The following NCOR1 variants were observed in gnomAD, a reference collection of about 807,000 sequenced individuals.
NCOR1 encodes the protein protein phosphatase 1, regulatory subunit 109.
In NCOR1, 63 loss-of-function variants were observed where a neutral mutation model predicts 288.1. That is an observed-to-expected ratio of 0.22 (90% CI 0.18 to 0.27). NCOR1 has a LOEUF of 0.27. Ranked by LOEUF, NCOR1 falls within the 10% of genes least tolerant of loss-of-function variation. The probability of loss-of-function intolerance (pLI) is 1.00; values close to 1 mark genes in which losing one functional copy is unlikely to be tolerated. For missense variants in NCOR1, 2,397 were observed against 3,019.2 expected (o/e 0.79, Z 4.83); for synonymous variants, 1,007 against 1,065.9 (o/e 0.94, Z 1.08).
In NCOR1 at chr17:16,058,564, T is replaced by A; in HGVS notation, c.5917A>T (p.Ile1973Phe). The change falls in exon 38 of 46, where the codon ATT (isoleucine) becomes TTT (phenylalanine). Residue 1973 changes from isoleucine to phenylalanine, a missense_variant. Physicochemically the swap from Ile to Phe is conservative, Grantham distance 21. Transcript: ENST00000268712. The part of the protein sequence containing the change: ...SHRYETPSDA[I>F]EVISPASSPA... ...GAGCTGGCAGGACTTATCACCTCAATAGCATCGCTAGGTGTTTCATACCTG... is the reference window on the plus strand; with the variant it reads ...GAGCTGGCAGGACTTATCACCTCAAAAGCATCGCTAGGTGTTTCATACCTG... 6.2e-7 allele frequency: 1 copy of A among 1,613,238 alleles called. No homozygotes were observed. Among genetic ancestry groups the A allele is most frequent in the Non-Finnish European group, 8.5e-7 (1 of 1,179,426 alleles).
intron 4 of NCOR1, among the ~76,000 whole-genome samples, chr17:16,168,303 C>T (rs1345589476): frequency 2.0e-5 from 3 of 152,248 alleles, no homozygotes; most frequent in Middle Eastern, 3.4e-3. Context: ...CAGGTTCAAG[C>T]GATTCTCTTG....
In NCOR1 at chr17:16,098,639, T is replaced by G. The variant is rs1238026385; in HGVS notation, c.2691-143A>C. 3 of 630,974 alleles carry G rather than the reference T, an allele frequency of 4.8e-6. No individual in the cohort carries two copies. In the African/African-American group the frequency reaches 5.7e-5, roughly 12 times the overall value. 39.1% of individuals were successfully genotyped at this position (630,974 alleles called of 1,614,324 possible). ...CACACATATATTAACCCATATAAAA[T>G]ATTTGGACAGTTAAGGAAAAAGGAA... On this transcript the variant is annotated intron_variant, in intron 20 of 45. Transcript: ENST00000268712.
chr17:16,056,867 C>CAT (rs1008632230), intron 40 of NCOR1: 1 of 151,306 alleles, frequency 6.6e-6, no homozygotes, highest in East Asian at 1.9e-4. Context: ...TGTGTGTGTG[C>CAT]ATATATATAT....
chr17:16,104,176 T>G (rs1411839209), intron 19 of NCOR1, among the ~76,000 whole-genome samples: 1 of 152,264 alleles, frequency 6.6e-6, no homozygotes, highest in East Asian at 1.9e-4. Context: ...ATCATTTATT[T>G]TGATTATCAC....
intron 32 of NCOR1, among the ~76,000 whole-genome samples, chr17:16,067,368 C>T (rs3785628): frequency 0.6 from 90,603 of 152,102 alleles, 27,851 homozygotes; most frequent in African/African-American, 0.73. Context: ...GAATCAGGTG[C>T]GGACTAGACA....
intron 30 of NCOR1, among the ~76,000 whole-genome samples, chr17:16,070,984 G>A (rs563016989): frequency 5.3e-5 from 8 of 151,114 alleles, no homozygotes; most frequent in African/African-American, 1.5e-4. Context: ...AGCCAAGATC[G>A]TGCCATTACA....
intron 22 of NCOR1, among the ~76,000 whole-genome samples, chr17:16,090,014 A>C (rs1303028424): frequency 6.6e-6 from 1 of 152,126 alleles, no homozygotes; most frequent in Non-Finnish European, 1.5e-5. Flanking sequence ...AAGATGACTG[A>C]ATTATGATTA....
intron 6 of NCOR1, among the ~76,000 whole-genome samples, chr17:16,157,598 T>C (rs1036765378): frequency 3.3e-5 from 5 of 152,220 alleles, no homozygotes; most frequent in African/African-American, 7.2e-5. Flanking sequence ...ATGTGTAAGA[T>C]AGACTGACAG....
intron 28 of NCOR1, 100 bp downstream of exon 28, chr17:16,073,329 G>T: frequency 1.9e-6 from 2 of 1,041,742 alleles, no homozygotes; most frequent in Non-Finnish European, 2.7e-6. Context: ...ATACATTTCA[G>T]GTGGAAATGA....
intron 15 of NCOR1, among the ~76,000 whole-genome samples, chr17:16,125,871 C>T (rs1235512426): frequency 2.0e-5 from 3 of 151,654 alleles, no homozygotes. Context: ...GAATAAGAGA[C>T]ACTAGAGATT....
intron 21 of NCOR1, among the ~76,000 whole-genome samples, chr17:16,097,464 C>T (rs1207148983): frequency 6.6e-6 from 1 of 152,218 alleles, no homozygotes; most frequent in Admixed American, 6.5e-5. Flanking sequence ...AAGGTTCATG[C>T]ACCCATCACC....
At chr17:16,141,539 T>C (rs1217459965) in intron 11 of NCOR1, among the ~76,000 whole-genome samples, 1 of 152,202 alleles carries the variant, frequency 6.6e-6, no homozygotes, top group African/African-American at 2.4e-5. Flanking sequence ...TATAAGAGCA[T>C]ACTATATACT....
At position 16,065,858 on chromosome 17, in the gene NCOR1, G is replaced by A. The variant is rs963246945; in HGVS notation, c.4742-164C>T. 1.3e-5 allele frequency: 8 copies of A among 629,348 alleles called. No individual in the cohort carries two copies. In the African/African-American group the frequency reaches 1.3e-4, roughly 10 times the overall value. The allele number at this position is 629,348 out of a possible 1,614,324, so 39.0% of individuals were successfully genotyped here. ...AGGTGGATTTATTTTAGACCTTGAT[G>A]TATTAGCAATAGCAATTCTAATGTC... is the stretch of plus-strand genomic sequence containing the variant. On this transcript the variant is annotated intron_variant, in intron 32 of 45. Coordinates refer to ENST00000268712, the MANE Select transcript of NCOR1 (RefSeq NM_006311.4).
At position 16,044,668 on chromosome 17, in the gene NCOR1, G is replaced by T. The variant is rs141178289; in HGVS notation, c.6679+2283C>A. 2.6e-4 allele frequency: 171 copies of T among 660,484 alleles called. 3 individuals are homozygous for T. In the African/African-American group the frequency reaches 2.7e-3, roughly 10 times the overall value. 40.9% of individuals were successfully genotyped at this position (660,484 alleles called of 1,614,324 possible). ...CCTGCATCTACTCAGCCCTCACTCT[G>T]CATGACAATGAGGTGACCATCACGG... On this transcript the variant is annotated intron_variant, in intron 42 of 45. Transcript: ENST00000268712.
chr17:16,158,226 G>C (rs1042402935), intron 6 of NCOR1, among the ~76,000 whole-genome samples: 1 of 151,998 alleles, frequency 6.6e-6, no homozygotes, highest in African/African-American at 2.4e-5. Context: ...TACCCGCCTC[G>C]GCCTCCCAAA....
intron 18 of NCOR1, among the ~76,000 whole-genome samples, chr17:16,117,514 G>GAAAAAAAAAAAAAAAAAAAAAACAAA (rs34706253): frequency 9.6e-6 from 1 of 103,788 alleles, no homozygotes; most frequent in Non-Finnish European, 1.9e-5. Flanking sequence ...CTGGAGCTCA[G>GAAAAAAAAAAAAAAAAAAAAAACAAA]AAAAAAAAAA....
intron 3 of NCOR1, among the ~76,000 whole-genome samples, chr17:16,175,338 A>G (rs1030472368): frequency 2.0e-5 from 3 of 152,002 alleles, no homozygotes; most frequent in Non-Finnish European, 4.4e-5. Context: ...GCACAACACA[A>G]CAGTCTGGGT....
At chr17:16,203,914 C>T (rs1193704260) in intron 1 of NCOR1, among the ~76,000 whole-genome samples, 2 of 152,086 alleles carry the variant, frequency 1.3e-5, no homozygotes, top group Non-Finnish European at 2.9e-5. Flanking sequence ...AATCAATATT[C>T]AGCATTCAAT....
At chr17:16,116,189 A>T (rs1046318898) in intron 18 of NCOR1, among the ~76,000 whole-genome samples, 2 of 152,206 alleles carry the variant, frequency 1.3e-5, no homozygotes, top group Non-Finnish European at 2.9e-5. Flanking sequence ...CCATGATTCA[A>T]TTATCTCCCA....
Sources: allele counts gnomAD v4.1 joint callset (sites outside exome capture counted in the v4.1 genomes callset), GRCh38; gene constraint gnomAD v4.1.1; transcripts MANE v1.5; gene names NCBI Gene and HGNC (gene_info 2026-07-23, HGNC 2026-07-21).